CNBD1: variants seen among roughly 807,000 people sequenced by gnomAD.
The protein encoded by CNBD1 is cyclic nucleotide binding domain containing 1.
In CNBD1, 71 loss-of-function variants were observed where a neutral mutation model predicts 54.4. The ratio of observed to expected loss-of-function variants is 1.30; its 90% CI spans 1.08 to 1.59. The LOEUF is 1.59. Ranked by LOEUF, CNBD1 falls within the 40% of genes most tolerant of loss-of-function variation. The pLI, the probability that CNBD1 is intolerant of heterozygous loss-of-function variation, is 0.00. For synonymous variants in CNBD1, 182 were observed against 170.7 expected (o/e 1.07, Z -0.51); for missense variants, 659 against 518.0 (o/e 1.27, Z -2.64).
intron 4 of CNBD1, among the ~76,000 whole-genome samples, chr8:87,073,722 C>T (rs1810806628): frequency 6.6e-6 from 1 of 152,052 alleles, no homozygotes; most frequent in Non-Finnish European, 1.5e-5. Flanking sequence ...GTGTTGCCAG[C>T]CTGAACATCC....
At chr8:87,136,108 G>T (rs1296868398) in intron 4 of CNBD1, among the ~76,000 whole-genome samples, 1 of 151,962 alleles carries the variant, frequency 6.6e-6, no homozygotes, top group Non-Finnish European at 1.5e-5. Flanking sequence ...TAGAATAGTT[G>T]AGAAGGTAAC....
chr8:87,386,775 C>A (rs568455657), downstream of CNBD1, among the ~76,000 whole-genome samples: 2 of 152,082 alleles, frequency 1.3e-5, no homozygotes, highest in African/African-American at 4.8e-5. Context: ...AGATACTCCT[C>A]AAGAAGAGCA....
chr8:86,929,796 G>C (rs372840284), intron 3 of CNBD1, among the ~76,000 whole-genome samples: 24 of 152,218 alleles, frequency 1.6e-4, no homozygotes, highest in African/African-American at 5.3e-4. Flanking sequence ...TATTTTGATA[G>C]CCTTTGATAC....
chr8:86,909,480 A>G (rs4960994), intron 3 of CNBD1, among the ~76,000 whole-genome samples: 47,616 of 152,108 alleles, frequency 0.31, 7,601 homozygotes, highest in East Asian at 0.42. Flanking sequence ...TTTAAATGTA[A>G]TTGTAACTTT....
At chr8:87,388,078 C>T (rs946908532) in intron 2 of CNBD1, among the ~76,000 whole-genome samples, 1 of 152,094 alleles carries the variant, frequency 6.6e-6, no homozygotes, top group Admixed American at 6.5e-5. Context: ...ACACAACACA[C>T]CAGAATCTCT....
chr8:86,995,612 G>A (rs1264146529), intron 4 of CNBD1, among the ~76,000 whole-genome samples: 1 of 152,034 alleles, frequency 6.6e-6, no homozygotes, highest in East Asian at 1.9e-4. Context: ...CAAAGCACAA[G>A]GACATTAAAG....
At chr8:87,097,250 A>C (rs1006954098) in intron 4 of CNBD1, among the ~76,000 whole-genome samples, 5 of 152,152 alleles carry the variant, frequency 3.3e-5, no homozygotes, top group Admixed American at 3.3e-4. Context: ...ATATTGTTTA[A>C]AACTAATTTT....
chr8:86,979,179 C>A (rs925315700), intron 4 of CNBD1, among the ~76,000 whole-genome samples: 8 of 151,760 alleles, frequency 5.3e-5, no homozygotes, highest in African/African-American at 1.9e-4. Flanking sequence ...TCTTATTAGT[C>A]ACTGAAGAAC....
intron 4 of CNBD1, among the ~76,000 whole-genome samples, chr8:87,131,789 A>G (rs1323407152): frequency 6.6e-6 from 1 of 152,024 alleles, no homozygotes. Flanking sequence ...AATTGTGTTT[A>G]ACCACCTCAA....
At chr8:87,264,482 A>G (rs1317772026) in intron 6 of CNBD1, among the ~76,000 whole-genome samples, 4 of 152,308 alleles carry the variant, frequency 2.6e-5, no homozygotes, top group Admixed American at 1.3e-4. Flanking sequence ...TCTTTATAGT[A>G]GCATGATTTA....
chr8:87,187,360 GT>G (rs1269975896), intron 4 of CNBD1, among the ~76,000 whole-genome samples: 1 of 151,650 alleles, frequency 6.6e-6, no homozygotes, highest in Non-Finnish European at 1.5e-5. Context: ...AAGAATAAGA[GT>G]TTTTGAAGTT....
intron 4 of CNBD1, among the ~76,000 whole-genome samples, chr8:87,041,920 G>A (rs374758217): frequency 1.3e-5 from 2 of 152,228 alleles, no homozygotes; most frequent in East Asian, 1.9e-4. Context: ...AATAAAGAAA[G>A]CAGGGACACC....
intron 4 of CNBD1, among the ~76,000 whole-genome samples, chr8:87,088,037 A>G (rs1403950919): frequency 1.3e-5 from 2 of 152,228 alleles, no homozygotes; most frequent in Non-Finnish European, 2.9e-5. Flanking sequence ...TTGTCACCAT[A>G]GAATAGCCTT....
intron 4 of CNBD1, among the ~76,000 whole-genome samples, chr8:87,203,261 C>T (rs1182263077): frequency 1.3e-5 from 2 of 152,102 alleles, no homozygotes; most frequent in African/African-American, 4.8e-5. Context: ...ACACATGTAT[C>T]CATGCATATC....
chr8:86,944,269 A>G (rs1807412777), intron 4 of CNBD1, among the ~76,000 whole-genome samples: 2 of 152,148 alleles, frequency 1.3e-5, no homozygotes, highest in South Asian at 4.1e-4. Context: ...TCCAACATAC[A>G]CTTTTGAACT....
intron 6 of CNBD1, among the ~76,000 whole-genome samples, chr8:87,247,635 A>G (rs1214026656): frequency 6.6e-6 from 1 of 152,072 alleles, no homozygotes; most frequent in Non-Finnish European, 1.5e-5. Context: ...TTTTTCTATA[A>G]GAAATCTCTG....
At chr8:87,041,260 A>G (rs1810061626) in intron 4 of CNBD1, among the ~76,000 whole-genome samples, 1 of 152,108 alleles carries the variant, frequency 6.6e-6, no homozygotes, top group African/African-American at 2.4e-5. Context: ...GTGTTCAGAA[A>G]AGGCCTAGGA....
intron 10 of CNBD1, among the ~76,000 whole-genome samples, chr8:87,370,414 C>T (rs957972533): frequency 3.3e-5 from 5 of 152,182 alleles, no homozygotes; most frequent in African/African-American, 1.2e-4. Flanking sequence ...TTAATGATTG[C>T]CATTCTAACT....
Position 87,284,805 on chromosome 8 carries a change from A to G in CNBD1, c.899A>G (p.Lys300Arg). The G allele has an allele frequency of 6.3e-7, 1 of 1,580,056 alleles. No individual in the cohort carries two copies. The highest frequency in any genetic ancestry group is 8.6e-7 in the Non-Finnish European group (1 of 1,162,738). ...AAAATCCCAGCAAAGGGATATGCAA[A>G]GATAAAGGAGGTAAGATGATATCTA... ...ILKIPAKGYAKIKEEKIKLEN... is the reference protein window; with the variant it reads ...ILKIPAKGYARIKEEKIKLEN... Residue 300 changes from lysine (K) to arginine (R), a missense_variant, in exon 7 of 11, where the codon AAG (lysine) becomes AGG (arginine). Transcript: ENST00000518476.
Sources: allele counts gnomAD v4.1 joint callset (sites outside exome capture counted in the v4.1 genomes callset), GRCh38; gene constraint gnomAD v4.1.1; transcripts MANE v1.5; gene names NCBI Gene and HGNC (gene_info 2026-07-23, HGNC 2026-07-21).